The following CSMD1 variants were observed in gnomAD, a reference collection of about 807,000 sequenced individuals.
CSMD1 encodes the protein CUB and sushi domain-containing protein 1.
Under a neutral mutation model 417.5 loss-of-function variants are expected in CSMD1, and 213 were observed. The observed-to-expected ratio is 0.51, with a 90% CI of 0.46 to 0.57. The LOEUF (loss-of-function observed/expected upper bound fraction) is 0.57. Among genes scored for constraint, CSMD1 ranks in the 20% least tolerant of loss-of-function variants. The probability of loss-of-function intolerance (pLI) is 0.00; values close to 1 mark genes in which losing one functional copy is unlikely to be tolerated. For synonymous variants in CSMD1, 2,862 were observed against 1,736.8 expected, an observed-to-expected ratio of 1.65 and a Z score of -16.11; for missense variants, 6,923 against 4,529.7, an observed-to-expected ratio of 1.53 and a Z score of -15.17.
At chr8:3,302,993 C>G (rs1804535769) in intron 25 of CSMD1, among the ~76,000 whole-genome samples, 1 of 152,188 alleles carries the variant, frequency 6.6e-6, no homozygotes, top group African/African-American at 2.4e-5. Context: ...TAAAGGGGGT[C>G]TGGAGTAGCA....
Position 3,308,455 on chromosome 8 carries a change from T to C in CSMD1, c.3680A>G (p.Tyr1227Cys), listed in dbSNP as rs777993216. The change falls in exon 24 of 70, where the codon TAT becomes TGT. Residue 1227 changes from tyrosine to cysteine, a missense_variant. Transcript: ENST00000635120. ...AAAGTGGCCTTCATCACGGATCCTA[T>C]AGCCGTAGTTAGGGATGCCCGGATC... is the stretch of plus-strand genomic sequence containing the variant. Reference protein sequence around the residue: ...CEDPGIPNYGYRIRDEGHFTD... With the variant: ...CEDPGIPNYGCRIRDEGHFTD... The C allele has an allele frequency of 8.7e-6, 14 of 1,613,482 alleles. No homozygotes were observed. The highest frequency in any genetic ancestry group is 1.3e-5 in the African/African-American group (1 of 74,916).
At position 3,087,016 on chromosome 8, in the gene CSMD1, T is replaced by G. The variant is rs987211111; in HGVS notation, c.7474+81A>C. On this transcript the variant is annotated intron_variant, in intron 49 of 69. Transcript: ENST00000635120. ...TTCCTTACCTTTTATTCTTAGTTAGTGCTTCATTTATTTTCAGAGAGTGAT... is the reference window on the plus strand; with the variant it reads ...TTCCTTACCTTTTATTCTTAGTTAGGGCTTCATTTATTTTCAGAGAGTGAT... 3 of 1,231,494 alleles carry G rather than the reference T, an allele frequency of 2.4e-6. No homozygotes were observed. In the African/African-American group the frequency reaches 4.5e-5, roughly 18 times the overall value. 76.3% of individuals were successfully genotyped at this position (1,231,494 alleles called of 1,614,324 possible).
At chr8:3,194,394 G>C (rs140056521) in intron 33 of CSMD1, among the ~76,000 whole-genome samples, 2 of 135,468 alleles carry the variant, frequency 1.5e-5, no homozygotes, top group Non-Finnish European at 3.4e-5. Context: ...ATTTTCAGGA[G>C]ACCATCTGAT....
In CSMD1 at chr8:4,129,215, G is replaced by C. The variant is rs368418831; in HGVS notation, c.416-97116C>G. Among the ~76,000 whole-genome samples the C allele has an allele frequency of 3.9e-5, 6 of 152,000 alleles. No homozygotes were observed. In the East Asian group the frequency reaches 1.2e-3, roughly 29 times the overall value. On this transcript the variant is annotated intron_variant, in intron 3 of 69. Coordinates refer to ENST00000635120, the MANE Select transcript of CSMD1 (RefSeq NM_033225.6). ...TCTACACTTAATATGTTCAAATTCA[G>C]CAGATTCCTATCAATTTCCTCTTCT...
rs796946108 is a variant in CSMD1, at chr8:3,981,555, T to C, written c.818+16348A>G. Among the ~76,000 whole-genome samples, 4 of 151,170 alleles carry C rather than the reference T, an allele frequency of 2.6e-5. No homozygotes were observed. In the South Asian group the frequency reaches 6.3e-4, roughly 24 times the overall value. On this transcript the variant is annotated intron_variant, in intron 5 of 69. Transcript: ENST00000635120. The stretch of plus-strand genomic sequence containing the variant: ...ATACAATTGTGTTTACCTAAGTCTT[T>C]CCACACCGTGTTCCATCACATCACT...
At chr8:4,950,965 AAAAAAC>A (rs200424366) in intron 1 of CSMD1, among the ~76,000 whole-genome samples, 2,880 of 135,604 alleles carry the variant, frequency 0.021, 83 homozygotes, top group African/African-American at 0.075. Context: ...CTTGTGGTAA[AAAAAAC>A]AAAAACAAAA....
At chr8:3,766,591 G>C (rs1798283043) in intron 5 of CSMD1, among the ~76,000 whole-genome samples, 1 of 151,956 alleles carries the variant, frequency 6.6e-6, no homozygotes, top group Admixed American at 6.6e-5. Flanking sequence ...ATCAAAAAAG[G>C]CAGTGTCGCC....
intron 2 of CSMD1, among the ~76,000 whole-genome samples, chr8:4,448,207 T>A (rs1045890372): frequency 1.3e-5 from 2 of 152,216 alleles, no homozygotes; most frequent in African/African-American, 4.8e-5. Flanking sequence ...TTTTTAACAC[T>A]GAAAATATTT....
intron 1 of CSMD1, among the ~76,000 whole-genome samples, chr8:4,683,472 T>C (rs1026854963): frequency 1.3e-5 from 2 of 152,172 alleles, no homozygotes; most frequent in African/African-American, 4.8e-5. Flanking sequence ...ACTCCACTCC[T>C]GCACAAGTAG....
In CSMD1 at chr8:3,815,945, A is replaced by G. The variant is rs568410211; in HGVS notation, c.819-61903T>C. On this transcript the variant is annotated intron_variant, in intron 5 of 69. Transcript: ENST00000635120. The stretch of plus-strand genomic sequence containing the variant: ...AAGAACAAATAATTCACTGGACTAG[A>G]AATCTCATTTATTCCTCCAATAGGT... 5.3e-5 allele frequency among the ~76,000 whole-genome samples: 8 copies of G among 152,352 alleles called. No individual in the cohort carries two copies. In the South Asian group the frequency reaches 1.7e-3, roughly 32 times the overall value.
At chr8:4,750,254 G>A (rs571878463) in intron 1 of CSMD1, among the ~76,000 whole-genome samples, 13 of 151,200 alleles carry the variant, frequency 8.6e-5, no homozygotes, top group South Asian at 8.3e-4. Flanking sequence ...TGATCCGCCC[G>A]CCTCGGCCTC....
At chr8:3,438,297 A>G (rs1421851983) in intron 12 of CSMD1, among the ~76,000 whole-genome samples, 1 of 152,214 alleles carries the variant, frequency 6.6e-6, no homozygotes, top group Non-Finnish European at 1.5e-5. Context: ...CCCCAATGGC[A>G]GAATTTTGCA....
intron 57 of CSMD1, among the ~76,000 whole-genome samples, chr8:2,969,665 T>G (rs529582338): frequency 3.1e-4 from 47 of 152,312 alleles, no homozygotes; most frequent in African/African-American, 1.1e-3. Context: ...TCATAGAAGC[T>G]ACGCTTCCTG....
intron 2 of CSMD1, among the ~76,000 whole-genome samples, chr8:4,432,591 TC>T (rs1797930543): frequency 6.6e-6 from 1 of 152,094 alleles, no homozygotes; most frequent in African/African-American, 2.4e-5. Flanking sequence ...TAAAGCTCAC[TC>T]CTTTTGCAGG....
intron 7 of CSMD1, among the ~76,000 whole-genome samples, chr8:3,684,596 CTTTT>C (rs141663569): frequency 0.013 from 1,642 of 127,882 alleles, 32 homozygotes; most frequent in African/African-American, 0.045. Flanking sequence ...CTGATACAGT[CTTTT>C]TTTTTTTTTT....
At chr8:3,864,837 G>C (rs952978876) in intron 5 of CSMD1, among the ~76,000 whole-genome samples, 15 of 152,136 alleles carry the variant, frequency 9.9e-5, no homozygotes, top group Admixed American at 6.5e-5. Flanking sequence ...ACATTTCCTA[G>C]ACATTTTCCT....
intron 2 of CSMD1, among the ~76,000 whole-genome samples, chr8:4,573,958 C>A (rs1220504972): frequency 6.6e-6 from 1 of 152,178 alleles, no homozygotes; most frequent in African/African-American, 2.4e-5. Context: ...TCAGTAATGG[C>A]AGACATCCCT....
At chr8:3,575,192 G>A in intron 9 of CSMD1, 126 bp from the exon 10 acceptor site, 3 of 925,680 alleles carry the variant, frequency 3.2e-6, no homozygotes, top group Middle Eastern at 3.5e-4. Context: ...AAAAAATGGT[G>A]CATGGACTCC....
intron 6 of CSMD1, among the ~76,000 whole-genome samples, chr8:3,737,936 C>G (rs915656980): frequency 8.5e-5 from 13 of 152,114 alleles, no homozygotes; most frequent in African/African-American, 2.9e-4. Flanking sequence ...AGATAATTGT[C>G]AAGGGAAATT....
Sources: gnomAD v4.1 joint callset for allele counts (sites outside exome capture counted in the v4.1 genomes callset) on GRCh38, gnomAD v4.1.1 for gene constraint, MANE v1.5 for transcripts, NCBI Gene and HGNC (gene_info 2026-07-23, HGNC 2026-07-21) for gene names.